Variants in PCSK6 observed in about 807,000 individuals in gnomAD.
The protein encoded by PCSK6 is proprotein convertase subtilisin/kexin type 6.
Under a neutral mutation model 123.3 loss-of-function variants are expected in PCSK6, and 85 were observed. That is an observed-to-expected ratio of 0.69 (90% CI 0.58 to 0.83). The LOEUF (loss-of-function observed/expected upper bound fraction) is 0.83. PCSK6 is among the 40% of genes least tolerant of loss of function. The probability of loss-of-function intolerance (pLI) is 0.00; values close to 1 mark genes in which losing one functional copy is unlikely to be tolerated. For missense variants in PCSK6, 1,191 were observed against 1,282.3 expected (o/e 0.93, Z 1.09); for synonymous variants, 508 against 516.0 (o/e 0.98, Z 0.21).
At chr15:101,399,939 ACTT>A (rs2042537118) in intron 6 of PCSK6, among the ~76,000 whole-genome samples, 1 of 152,218 alleles carries the variant, frequency 6.6e-6, no homozygotes, top group Non-Finnish European at 1.5e-5. Context: ...GGAAAAGAGG[ACTT>A]CTTCTGATTG....
intron 13 of PCSK6, among the ~76,000 whole-genome samples, chr15:101,353,217 GATC>G (rs1301448922): frequency 1.4e-5 from 2 of 147,026 alleles, no homozygotes; most frequent in Non-Finnish European, 2.9e-5. Context: ...GACAGTGACA[GATC>G]ATCAGGCATT....
chr15:101,446,002 G>T (rs999830056), intron 1 of PCSK6, among the ~76,000 whole-genome samples: 1 of 152,240 alleles, frequency 6.6e-6, no homozygotes, highest in African/African-American at 2.4e-5. Context: ...AAGGCCCCTG[G>T]GTCTGGGCTG....
chr15:101,438,458 C>A (rs2056664603), intron 2 of PCSK6, among the ~76,000 whole-genome samples: 1 of 152,210 alleles, frequency 6.6e-6, no homozygotes, highest in Admixed American at 6.5e-5. Flanking sequence ...CTACTGTTCT[C>A]TGGGTTGCTG....
chr15:101,393,139 A>G, intron 8 of PCSK6, 73 bp downstream of exon 8: 1 of 1,188,748 alleles, frequency 8.4e-7, no homozygotes, highest in Non-Finnish European at 1.2e-6. Context: ...CTTTCTGAGA[A>G]AGGGAGAAGA....
intron 9 of PCSK6, among the ~76,000 whole-genome samples, chr15:101,386,921 C>T (rs892983269): frequency 3.3e-5 from 5 of 152,142 alleles, no homozygotes; most frequent in African/African-American, 9.7e-5. Flanking sequence ...TTTTGTATGG[C>T]GGCTGCTCTG....
chr15:101,460,354 C>T (rs1009197071), intron 1 of PCSK6, among the ~76,000 whole-genome samples: 42 of 152,204 alleles, frequency 2.8e-4, no homozygotes, highest in African/African-American at 9.4e-4. Context: ...CAGTATTATG[C>T]TGTCCCCTCT....
intron 6 of PCSK6, among the ~76,000 whole-genome samples, chr15:101,426,106 G>A (rs768392388): frequency 2.0e-5 from 3 of 152,176 alleles, no homozygotes; most frequent in Admixed American, 2.0e-4. Flanking sequence ...AACTCCAAAG[G>A]TGGGGTCCAC....
rs1249915115 is a variant in PCSK6 at position 101,429,969 on chromosome 15, T to C, written c.734+18A>G. ...GGGAGGGGAAGAGAAGCCGGGGAGA[T>C]GAGGCGAGGTGACGTACTTATTTTC... On this transcript the variant is annotated intron_variant, in intron 5 of 21. Coordinates refer to ENST00000611716, the MANE Select transcript of PCSK6 (RefSeq NM_002570.5). 3.1e-6 allele frequency: 5 copies of C among 1,599,814 alleles called. No homozygotes were observed. The highest frequency in any genetic ancestry group is 2.2e-5 in the South Asian group (2 of 90,814).
intron 4 of PCSK6, 130 bp from the exon 5 acceptor site, chr15:101,430,193 A>C: frequency 2.2e-4 from 148 of 688,012 alleles, no homozygotes; most frequent in Middle Eastern, 5.2e-4. Context: ...CTATAATCTC[A>C]TATACGTTTT....
At chr15:101,413,389 A>G (rs1483751262) in intron 6 of PCSK6, among the ~76,000 whole-genome samples, 2 of 152,226 alleles carry the variant, frequency 1.3e-5, no homozygotes, top group Non-Finnish European at 2.9e-5. Flanking sequence ...AAAAAGCTAT[A>G]CAAGAAGACA....
intron 6 of PCSK6, among the ~76,000 whole-genome samples, chr15:101,412,140 CCT>C (rs2055709190): frequency 6.6e-6 from 1 of 152,196 alleles, no homozygotes; most frequent in Non-Finnish European, 1.5e-5. Flanking sequence ...ACAACCTACC[CCT>C]GACAATAATG....
At chr15:101,414,202 T>G (rs575770223) in intron 6 of PCSK6, among the ~76,000 whole-genome samples, 1 of 152,054 alleles carries the variant, frequency 6.6e-6, no homozygotes, top group African/African-American at 2.4e-5. Context: ...GCCAAATTTG[T>G]AGGGAGAAAA....
At chr15:101,385,526 A>G (rs1045692441) in intron 9 of PCSK6, among the ~76,000 whole-genome samples, 1 of 152,230 alleles carries the variant, frequency 6.6e-6, no homozygotes, top group Non-Finnish European at 1.5e-5. Context: ...ATTCTAAGAG[A>G]TATGGATGCA....
chr15:101,434,738 G>T (rs771166389), intron 2 of PCSK6, among the ~76,000 whole-genome samples: 1 of 152,218 alleles, frequency 6.6e-6, no homozygotes, highest in Non-Finnish European at 1.5e-5. Context: ...CTGACCAGGC[G>T]TGGGGGCTTC....
At chr15:101,340,755 GATCC>G (rs2040583073) in intron 13 of PCSK6, among the ~76,000 whole-genome samples, 1 of 152,062 alleles carries the variant, frequency 6.6e-6, no homozygotes, top group East Asian at 1.9e-4. Context: ...ATACTCACAT[GATCC>G]CTCTCCCGCC....
At chr15:101,329,349 C>T (rs780857405) in intron 15 of PCSK6, among the ~76,000 whole-genome samples, 11 of 152,238 alleles carry the variant, frequency 7.2e-5, no homozygotes, top group South Asian at 4.1e-4. Context: ...TCTTCTCCAC[C>T]GTTCACGCCA....
At chr15:101,370,781 C>A (rs374007160) in intron 11 of PCSK6, among the ~76,000 whole-genome samples, 4 of 152,250 alleles carry the variant, frequency 2.6e-5, no homozygotes, top group Non-Finnish European at 5.9e-5. Flanking sequence ...CTGTGGCTCA[C>A]GCCTCTGATC....
intron 2 of PCSK6, among the ~76,000 whole-genome samples, chr15:101,440,011 CGACT>C: frequency 6.6e-6 from 1 of 152,266 alleles, no homozygotes; most frequent in Admixed American, 6.5e-5. Context: ...CAGGCAGCAA[CGACT>C]AACTATAAGC....
chr15:101,356,118 G>C (rs1175669243), intron 13 of PCSK6, among the ~76,000 whole-genome samples: 1 of 152,166 alleles, frequency 6.6e-6, no homozygotes, highest in Admixed American at 6.5e-5. Flanking sequence ...TTAAAATCTC[G>C]GGCATTTTGG....
Sources: gnomAD v4.1 joint callset for allele counts (sites outside exome capture counted in the v4.1 genomes callset) on GRCh38, gnomAD v4.1.1 for gene constraint, MANE v1.5 for transcripts, NCBI Gene and HGNC (gene_info 2026-07-23, HGNC 2026-07-21) for gene names.